The following ADGRF5 variants were observed in gnomAD, a reference collection of about 807,000 sequenced individuals.
ADGRF5 encodes the protein adhesion G protein-coupled receptor F5.
Under a neutral mutation model 132.3 loss-of-function variants are expected in ADGRF5, and 75 were observed. The observed-to-expected ratio is 0.57, with a 90% CI of 0.47 to 0.69. The LOEUF is 0.69. Among genes scored for constraint, ADGRF5 ranks in the 30% least tolerant of loss-of-function variants. ADGRF5 has a pLI of 0.00. For synonymous variants in ADGRF5, 629 were observed against 597.6 expected, an observed-to-expected ratio of 1.05 and a Z score of -0.77; for missense variants, 1,516 against 1,630.6, an observed-to-expected ratio of 0.93 and a Z score of 1.21.
upstream of ADGRF5, among the ~76,000 whole-genome samples, chr6:46,925,365 T>A (rs1280043066): frequency 6.6e-6 from 1 of 152,080 alleles, no homozygotes; most frequent in Non-Finnish European, 1.5e-5. Context: ...TCACTCCACA[T>A]CCCCCCTACT....
intron 2 of ADGRF5, 86 bp from the exon 3 acceptor site, chr6:46,900,169 G>C: frequency 1.0e-6 from 1 of 978,092 alleles, no homozygotes; most frequent in South Asian, 1.3e-5. Flanking sequence ...CCTAAATGTT[G>C]GAGCTGAGCT....
intron 3 of ADGRF5, among the ~76,000 whole-genome samples, chr6:46,897,654 A>T (rs1774326327): frequency 6.6e-6 from 1 of 152,142 alleles, no homozygotes; most frequent in South Asian, 2.1e-4. Context: ...AGCTCACTGC[A>T]ACCTCCGCCT....
At chr6:46,892,102 C>T (rs1421264016) in intron 3 of ADGRF5, among the ~76,000 whole-genome samples, 1 of 151,130 alleles carries the variant, frequency 6.6e-6, no homozygotes, top group African/African-American at 2.4e-5. Context: ...ATCATCTACT[C>T]CAGTGATCCC....
chr6:46,865,290 A>G (rs1411382516), intron 13 of ADGRF5, 93 bp from the exon 14 acceptor site: 8 of 860,636 alleles, frequency 9.3e-6, no homozygotes, highest in Non-Finnish European at 1.3e-5. Context: ...AAACCTGTCC[A>G]AGCTTTCCCG....
At chr6:46,935,356 C>A (rs938434095) in intron 1 of ADGRF5, among the ~76,000 whole-genome samples, 7 of 152,122 alleles carry the variant, frequency 4.6e-5, no homozygotes, top group African/African-American at 1.7e-4. Flanking sequence ...AAATTCTCTA[C>A]GAACAATGCA....
intron 1 of ADGRF5, among the ~76,000 whole-genome samples, chr6:46,943,236 G>T (rs952076096): frequency 3.3e-5 from 5 of 152,116 alleles, no homozygotes; most frequent in African/African-American, 1.2e-4. Context: ...GATTTTTGCA[G>T]AAAGTTGCTA....
intron 17 of ADGRF5, 121 bp downstream of exon 17, chr6:46,858,008 T>C: frequency 1.4e-6 from 1 of 712,800 alleles, no homozygotes; most frequent in East Asian, 2.7e-5. Flanking sequence ...TACTGCTCTT[T>C]AGAGCTGAGG....
At chr6:46,925,891 T>G (rs1176128141), upstream of ADGRF5, among the ~76,000 whole-genome samples, 1 of 152,250 alleles carries the variant, frequency 6.6e-6, no homozygotes, top group East Asian at 1.9e-4. Flanking sequence ...CCTTCATATC[T>G]TGGCAGGGTA....
chr6:46,861,441 T>C (rs566228329), intron 15 of ADGRF5, among the ~76,000 whole-genome samples: 1 of 152,312 alleles, frequency 6.6e-6, no homozygotes, highest in South Asian at 2.1e-4. Flanking sequence ...TTTCTAACTC[T>C]CTCTTACTTA....
chr6:46,872,834 G>A lies in ADGRF5; in HGVS notation c.1241-821C>T, dbSNP rs1314452548. Among the ~76,000 whole-genome samples, 63 of 152,042 alleles carry A rather than the reference G, an allele frequency of 4.1e-4. 1 individual carries two copies. The highest frequency in any genetic ancestry group is 2.4e-5 in the African/African-American group (1 of 41,402). ...AATCTTCAAACACTATCAATCTTCCGAAAATGAAGGAAAAAGAATAAGCCT... is the reference window on the plus strand; with the variant it reads ...AATCTTCAAACACTATCAATCTTCCAAAAATGAAGGAAAAAGAATAAGCCT... On this transcript the variant is annotated intron_variant, in intron 10 of 20. Coordinates refer to ENST00000283296, the MANE Select transcript of ADGRF5 (RefSeq NM_001098518.2).
At chr6:46,869,813 T>A (rs1770849423) in intron 11 of ADGRF5, among the ~76,000 whole-genome samples, 1 of 152,220 alleles carries the variant, frequency 6.6e-6, no homozygotes, top group South Asian at 2.1e-4. Context: ...AACTGGGATG[T>A]ACAGGTACCT....
chr6:46,858,274 T>A lies in ADGRF5; in HGVS notation c.3629A>T (p.Glu1210Val). Residue 1210 changes from glutamate (E) to valine (V), a missense_variant, in exon 17 of 21, where the codon GAG (glutamate) becomes GTG (valine). This residue lies in a region of ADGRF5 where 571 missense variants were observed against 701.2 expected (regional missense o/e 0.81). Transcript: ENST00000283296. ...GCTGATCTGAAACAGGCTGCTCTTC[T>A]CCTGCTTGCATGGCTTGTCTCCAAT... ...PSIGDKPCKQ[E>V]KSSLFQISKS... is the part of the protein sequence containing the mutation. The A allele has an allele frequency of 6.2e-7, 1 of 1,614,014 alleles. No individual in the cohort carries two copies. The highest frequency in any genetic ancestry group is 8.5e-7 in the Non-Finnish European group (1 of 1,180,000).
chr6:46,885,203 AAAAAAAAAG>A (rs1345388614), intron 4 of ADGRF5, among the ~76,000 whole-genome samples: 1 of 151,744 alleles, frequency 6.6e-6, no homozygotes, highest in Non-Finnish European at 1.5e-5. Flanking sequence ...TCAAAAAAAA[AAAAAAAAAG>A]AAAAAGAAAA....
At chr6:46,932,603 G>A (rs895989266) in intron 1 of ADGRF5, among the ~76,000 whole-genome samples, 2 of 152,146 alleles carry the variant, frequency 1.3e-5, no homozygotes, top group Non-Finnish European at 2.9e-5. Context: ...TAATTTCTGA[G>A]GAAGAGCTAG....
At chr6:46,934,629 C>G (rs1418701172) in intron 1 of ADGRF5, among the ~76,000 whole-genome samples, 2 of 152,216 alleles carry the variant, frequency 1.3e-5, no homozygotes, top group East Asian at 1.9e-4. Flanking sequence ...TTACAAACAC[C>G]ATGCTAACAT....
chr6:46,892,067 G>A (rs1172468197), intron 3 of ADGRF5, among the ~76,000 whole-genome samples: 1 of 151,746 alleles, frequency 6.6e-6, no homozygotes, highest in Non-Finnish European at 1.5e-5. Context: ...CTGTAATTTA[G>A]CAGGCTGTTG....
Position 46,952,328 on chromosome 6 carries a change from T to C in ADGRF5, c.-25+2406A>G, listed in dbSNP as rs184205308. ...ATAGAGGATGACAAAAAGTAAGTCC[T>C]CCAGATGAGCGCTGCATGGAGGCAG... is the stretch of plus-strand genomic sequence containing the variant. On this transcript the variant is annotated intron_variant, in intron 1 of 20. Transcript: ENST00000265417. Among the ~76,000 whole-genome samples, 12 of 152,330 alleles carry C rather than the reference T, an allele frequency of 7.9e-5. No individual in the cohort carries two copies. In the East Asian group the frequency reaches 1.7e-3, roughly 22 times the overall value.
In ADGRF5 at chr6:46,882,030, CAAATT is replaced by C; in HGVS notation, c.671+14_671+18del. 6 of 1,561,150 alleles carry C rather than the reference CAAATT, an allele frequency of 3.8e-6. No homozygotes were observed. Among genetic ancestry groups the C allele is most frequent in the Non-Finnish European group, 5.3e-6 (6 of 1,131,710 alleles). On this transcript the variant is annotated intron_variant, in intron 7 of 20. Coordinates refer to ENST00000283296, the MANE Select transcript of ADGRF5 (RefSeq NM_001098518.2). ...ATCCCAGCCATAAATTAGAAATGAT[CAAATT>C]AAAGTATTCTTACTTGAACCCTGTC... is the stretch of plus-strand genomic sequence containing the variant.
At chr6:46,924,164 A>T (rs1291199150), upstream of ADGRF5, among the ~76,000 whole-genome samples, 1 of 152,128 alleles carries the variant, frequency 6.6e-6, no homozygotes, top group Non-Finnish European at 1.5e-5. Flanking sequence ...TTCTTCACAC[A>T]GGTAACGTTT....
Sources: gnomAD v4.1 joint callset for allele counts (sites outside exome capture counted in the v4.1 genomes callset) on GRCh38, gnomAD v4.1.1 for gene constraint, gnomAD v4.1.1 regional missense constraint, MANE v1.5 for transcripts, NCBI Gene and HGNC (gene_info 2026-07-23, HGNC 2026-07-21) for gene names.